Variants in ZNF16 observed in about 807,000 individuals in gnomAD.
ZNF16 encodes zinc finger protein KOX9.
In ZNF16, 7 loss-of-function variants were observed where a neutral mutation model predicts 9.0. The ratio of observed to expected loss-of-function variants is 0.78; its 90% CI spans 0.44 to 1.47. The LOEUF (loss-of-function observed/expected upper bound fraction) is 1.47, where lower values mean the gene tolerates loss of function less well. ZNF16 is among the 40% of genes most tolerant of loss of function. The pLI is 0.01. For synonymous variants in ZNF16, 312 were observed against 301.5 expected (o/e 1.03, Z -0.36); for missense variants, 830 against 854.2 (o/e 0.97, Z 0.35).
At chr8:144,948,146 G>C (rs905152126) in intron 1 of ZNF16, 1 of 152,482 alleles carries the variant, frequency 6.6e-6, no homozygotes, top group East Asian at 1.9e-4. Context: ...CCTGGACTCA[G>C]ATCACCATCA....
Position 144,930,990 on chromosome 8 carries a change from T to A in ZNF16, c.1797A>T (p.Lys599Asn). Residue 599 changes from lysine to asparagine, a missense_variant, in exon 3 of 3, where the codon AAA (lysine) becomes AAT (asparagine). By Grantham distance (94) the Lys-to-Asn change is moderately conservative. Coordinates refer to ENST00000394909, the MANE Select transcript of ZNF16 (RefSeq NM_006958.3). ...IHHQKVHTGE[K>N]PYTCVECGKG... ...TACCACATTCAACACAGGTGTAGGG[T>A]TTTTCCCCAGTATGAACTTTCTGGT... is the stretch of plus-strand genomic sequence containing the variant. The A allele has an allele frequency of 6.2e-7, 1 of 1,613,786 alleles. No individual in the cohort carries two copies. The highest frequency in any genetic ancestry group is 8.5e-7 in the Non-Finnish European group (1 of 1,179,932).
intron 2 of ZNF16, among the ~76,000 whole-genome samples, chr8:144,940,790 G>T (rs1833780507): frequency 6.6e-6 from 1 of 152,248 alleles, no homozygotes; most frequent in Non-Finnish European, 1.5e-5. Context: ...AGGCTGGGAA[G>T]TTCAAGATCA....
intron 2 of ZNF16, among the ~76,000 whole-genome samples, chr8:144,934,911 C>A (rs1563920345): frequency 2.0e-5 from 3 of 152,106 alleles, no homozygotes; most frequent in Admixed American, 1.3e-4. Flanking sequence ...TAAAAACCAG[C>A]CCACTAGCTG....
Position 144,937,137 on chromosome 8 carries a change from C to CTTTTTTTTTTTTTTTTTTTTTTTTTTT in ZNF16, c.197-4548_197-4547insAAAAAAAAAAAAAAAAAAAAAAAAAAA, listed in dbSNP as rs1554659152. Among the ~76,000 whole-genome samples the CTTTTTTTTTTTTTTTTTTTTTTTTTTT allele has an allele frequency of 3.5e-5, 4 of 112,992 alleles. 2 individuals are homozygous for CTTTTTTTTTTTTTTTTTTTTTTTTTTT. Among genetic ancestry groups the CTTTTTTTTTTTTTTTTTTTTTTTTTTT allele is most frequent in the Non-Finnish European group, 3.8e-5 (2 of 52,030 alleles). 74.1% of individuals were successfully genotyped at this position (112,992 alleles called of 152,430 possible). On this transcript the variant is annotated intron_variant, in intron 2 of 2. Transcript: ENST00000394909. The stretch of plus-strand genomic sequence containing the variant: ...GCAGGATGCTTTTTTCACTTTCTTT[C>CTTTTTTTTTTTTTTTTTTTTTTTTTTT]TCTCTCTTTTTTTTTTTTTTTTTTT...
At chr8:144,937,598 A>G (rs1833714800) in intron 2 of ZNF16, among the ~76,000 whole-genome samples, 1 of 152,098 alleles carries the variant, frequency 6.6e-6, no homozygotes, top group African/African-American at 2.4e-5. Flanking sequence ...TTCTTCTAAG[A>G]ATTTTAGAGT....
chr8:144,941,872 A>G lies in ZNF16; in HGVS notation c.196+4139T>C, dbSNP rs371642809. ...ATGGGGTTTCACTGTGTTGGCCAGG[A>G]TGGTCTCAATCTCCTGACCTCATGA... On this transcript the variant is annotated intron_variant, in intron 2 of 2. Transcript: ENST00000394909. Among the ~76,000 whole-genome samples, 5 of 149,348 alleles carry G rather than the reference A, an allele frequency of 3.3e-5. No individual in the cohort carries two copies. In the South Asian group the frequency reaches 6.3e-4, roughly 19 times the overall value.
chr8:144,932,503 T>C lies in ZNF16; in HGVS notation c.284A>G (p.Asn95Ser). ...TACCTGGGAAACATCACCAGCATAGTTTTCTGATATTTCTGCCTGTGATTC... is the reference window on the plus strand; with the variant it reads ...TACCTGGGAAACATCACCAGCATAGCTTTCTGATATTTCTGCCTGTGATTC... ...DLESQAEISE[N>S]YAGDVSQVPE... The change falls in exon 3 of 3, where the codon AAC becomes AGC. Residue 95 changes from asparagine to serine, a missense_variant. Physicochemically the swap from Asn to Ser is conservative, Grantham distance 46. Coordinates refer to ENST00000394909, the MANE Select transcript of ZNF16 (RefSeq NM_006958.3). This position sits in a 1 kb window ranked among gnomAD's most constrained non-coding sequence, Gnocchi z 5.0. 6.2e-7 allele frequency: 1 copy of C among 1,614,194 alleles called. No homozygotes were observed. The highest frequency in any genetic ancestry group is 1.1e-5 in the South Asian group (1 of 91,084).
Position 144,932,327 on chromosome 8 carries a change from C to G in ZNF16, c.460G>C (p.Asp154His). 6.2e-7 allele frequency: 1 copy of G among 1,614,132 alleles called. No homozygotes were observed. The highest frequency in any genetic ancestry group is 8.5e-7 in the Non-Finnish European group (1 of 1,180,030). The change falls in exon 3 of 3, where the codon GAC becomes CAC. Residue 154 changes from aspartate (D) to histidine (H), a missense_variant. Physicochemically the swap from Asp to His is moderately conservative, Grantham distance 81. Coordinates refer to ENST00000394909, the MANE Select transcript of ZNF16 (RefSeq NM_006958.3). This position sits in a 1 kb window ranked among gnomAD's most constrained non-coding sequence, Gnocchi z 5.0. ...LRGPLGEKDL[D>H]CNGFDSRFSL... ...AAGCGACTGTCAAAACCATTACAGT[C>G]CAGATCTTTCTCCCCTAAGGGGCCC...
At chr8:144,934,889 G>C (rs1272988429) in intron 2 of ZNF16, among the ~76,000 whole-genome samples, 1 of 152,156 alleles carries the variant, frequency 6.6e-6, no homozygotes, top group Non-Finnish European at 1.5e-5. Flanking sequence ...AGCATTCTTA[G>C]CTTGCAGGAC....
intron 2 of ZNF16, among the ~76,000 whole-genome samples, chr8:144,938,180 G>C (rs1230019701): frequency 6.6e-6 from 1 of 152,234 alleles, no homozygotes; most frequent in Non-Finnish European, 1.5e-5. Context: ...CAGCTTTGTA[G>C]CAAGTTTTGA....
intron 2 of ZNF16, among the ~76,000 whole-genome samples, chr8:144,942,871 T>C (rs1427476233): frequency 6.6e-6 from 1 of 152,232 alleles, no homozygotes; most frequent in South Asian, 2.1e-4. Flanking sequence ...TAATACAAAG[T>C]GTACTTAGAA....
At position 144,931,566 on chromosome 8, in the gene ZNF16, A is replaced by C; in HGVS notation, c.1221T>G (p.Cys407Trp). Residue 407 changes from cysteine to tryptophan, a missense_variant, in exon 3 of 3, where the codon TGT (cysteine) becomes TGG (tryptophan). Transcript: ENST00000394909. ...RVHTGEKPYECNDCGKPFSRV... is the reference protein window; with the variant it reads ...RVHTGEKPYEWNDCGKPFSRV... ...GACTGAAGGGCTTGCCACAATCATT[A>C]CACTCATAAGGCTTCTCTCCAGTGT... is the stretch of plus-strand genomic sequence containing the variant. 6.2e-7 allele frequency: 1 copy of C among 1,613,990 alleles called. No homozygotes were observed. Among genetic ancestry groups the C allele is most frequent in the South Asian group, 1.1e-5 (1 of 91,074 alleles).
intron 2 of ZNF16, among the ~76,000 whole-genome samples, chr8:144,942,757 G>C (rs988788779): frequency 6.6e-6 from 1 of 152,066 alleles, no homozygotes; most frequent in Non-Finnish European, 1.5e-5. Flanking sequence ...ATACATAGTG[G>C]GGTAAAAAAC....
Position 144,932,746 on chromosome 8 carries a change from G to A in ZNF16, c.197-156C>T, listed in dbSNP as rs979565006. On this transcript the variant is annotated intron_variant, in intron 2 of 2. Coordinates refer to ENST00000394909, the MANE Select transcript of ZNF16 (RefSeq NM_006958.3). The surrounding 1 kb of genome is among the most constrained non-coding windows in gnomAD (Gnocchi z 5.0). ...AGATCAGAGGGCATCAGGGAGGGGT[G>A]GGAGGAGCACTGGGTGATTAGGCTG... Among the ~76,000 whole-genome samples the A allele has an allele frequency of 1.3e-5, 2 of 152,140 alleles. No individual in the cohort carries two copies. Among genetic ancestry groups the A allele is most frequent in the Non-Finnish European group, 2.9e-5 (2 of 68,028 alleles).
At chr8:144,943,852 C>T (rs574205542) in intron 2 of ZNF16, among the ~76,000 whole-genome samples, 4 of 152,190 alleles carry the variant, frequency 2.6e-5, no homozygotes, top group African/African-American at 7.2e-5. Flanking sequence ...CTTTTTTCTC[C>T]TCAGACTGAA....
chr8:144,930,692 T>G lies in ZNF16; in HGVS notation c.*46A>C, dbSNP rs375151323. The G allele has an allele frequency of 1.3e-6, 2 of 1,511,084 alleles. No individual in the cohort carries two copies. The highest frequency in any genetic ancestry group is 2.3e-5 in the Admixed American group (1 of 43,250). 93.6% of individuals were successfully genotyped at this position (1,511,084 alleles called of 1,614,324 possible). ...GGCTGAGACAATGGCCAAAGAGGAG[T>G]TGGAGAGGAAACTATGCTCGGTTTC... is the stretch of plus-strand genomic sequence containing the variant. On this transcript the variant is annotated 3_prime_UTR_variant, in exon 3 of 3. Transcript: ENST00000394909.
At chr8:144,948,132 T>C (rs1442719950) in intron 1 of ZNF16, 1 of 152,334 alleles carries the variant, frequency 6.6e-6, no homozygotes, top group Non-Finnish European at 1.5e-5. Context: ...GGCTGGGTGG[T>C]GCTCCTGGAC....
In ZNF16 at chr8:144,932,375, G is replaced by A. The variant is rs954864863; in HGVS notation, c.412C>T (p.Pro138Ser). 7 of 1,614,060 alleles carry A rather than the reference G, an allele frequency of 4.3e-6. No homozygotes were observed. In the African/African-American group the frequency reaches 6.7e-5, roughly 15 times the overall value. ...CCCCTAAGGAGCCCCATGGCAGCTG[G>A]TGTGAAGTCCCCCTCCTGGGAGAGG... The part of the protein sequence containing the change: ...QSLSQEGDFT[P>S]AAMGLLRGPL... Residue 138 changes from proline to serine, a missense_variant, in exon 3 of 3, where the codon CCA (proline) becomes TCA (serine). Physicochemically the swap from Pro to Ser is moderately conservative, Grantham distance 74. Transcript: ENST00000394909. The surrounding 1 kb of genome is among the most constrained non-coding windows in gnomAD (Gnocchi z 5.0).
chr8:144,934,189 C>T (rs1025100453), intron 2 of ZNF16, among the ~76,000 whole-genome samples: 5 of 152,210 alleles, frequency 3.3e-5, no homozygotes, highest in Admixed American at 6.5e-5. Context: ...TGGGACTTGC[C>T]CCTCTACCCA....
Sources: gnomAD v4.1 joint callset for allele counts (sites outside exome capture counted in the v4.1 genomes callset) on GRCh38, gnomAD v4.1.1 for gene constraint, Gnocchi (gnomAD v3.1) non-coding constraint, MANE v1.5 for transcripts, NCBI Gene and HGNC (gene_info 2026-07-23, HGNC 2026-07-21) for gene names.